The following ARHGEF18 variants were observed in gnomAD, a reference collection of about 807,000 sequenced individuals.
ARHGEF18 encodes the protein rho guanine nucleotide exchange factor 18.
ARHGEF18 carries 93 observed loss-of-function variants against 155.7 expected under a neutral mutation model. That is an observed-to-expected ratio of 0.60 (90% CI 0.50 to 0.71). The LOEUF is 0.71. Ranked by LOEUF, ARHGEF18 falls within the 30% of genes least tolerant of loss-of-function variation. ARHGEF18 has a pLI of 0.00. For synonymous variants in ARHGEF18, 742 were observed against 753.1 expected (o/e 0.99, Z 0.24); for missense variants, 1,593 against 1,816.1 (o/e 0.88, Z 2.23).
At chr19:7,366,932 G>T (rs990261962) in intron 2 of ARHGEF18, among the ~76,000 whole-genome samples, 7 of 143,204 alleles carry the variant, frequency 4.9e-5, no homozygotes, top group Non-Finnish European at 1.1e-4. Context: ...CCGGCTAGTT[G>T]TTTTTTTTTT....
intron 20 of ARHGEF18, among the ~76,000 whole-genome samples, chr19:7,460,421 A>C (rs562704021): frequency 1.3e-5 from 2 of 151,978 alleles, no homozygotes; most frequent in African/African-American, 4.8e-5. Flanking sequence ...ACACCACAGC[A>C]CTCACCCTCC....
At chr19:7,352,531 CTTTTTTT>C (rs35219215) in intron 1 of ARHGEF18, among the ~76,000 whole-genome samples, 1 of 93,188 alleles carries the variant, frequency 1.1e-5, no homozygotes, top group African/African-American at 4.6e-5. Flanking sequence ...CCTAGGTTTC[CTTTTTTT>C]TTTTTTTTTT....
intron 10 of ARHGEF18, among the ~76,000 whole-genome samples, chr19:7,392,907 C>T (rs533198668): frequency 5.9e-4 from 88 of 149,660 alleles, no homozygotes; most frequent in African/African-American, 1.8e-3. Context: ...ATTAGCCAGA[C>T]GTGGTGGTGT....
rs1295435039 is a variant in ARHGEF18 at position 7,439,718 on chromosome 19, AGAGTCACCCTAACATCTG to A, written c.968-625_968-608del. 5.4e-6 allele frequency: 7 copies of A among 1,293,612 alleles called. No individual in the cohort carries two copies. The Admixed American group carries it at 2.2e-4, about 41-fold the overall frequency. The allele number at this position is 1,293,612 out of a possible 1,614,324, so 80.1% of individuals were successfully genotyped here. On this transcript the variant is annotated intron_variant, in intron 10 of 28. Coordinates refer to ENST00000668164, the MANE Select transcript of ARHGEF18 (RefSeq NM_001367823.1). ...CCATGCCCTGCCATCTCTGGGTCTTAGAGTCACCCTAACATCTGATCTAGATTAATTATCATCATGTGC... is the reference window on the plus strand; with the variant it reads ...CCATGCCCTGCCATCTCTGGGTCTTAATCTAGATTAATTATCATCATGTGC...
chr19:7,441,156 A>T (rs11666466), intron 11 of ARHGEF18, among the ~76,000 whole-genome samples: 41,580 of 133,170 alleles, frequency 0.31, 6,935 homozygotes, highest in Middle Eastern at 0.47. Context: ...ATTGACAGAT[A>T]ATCTTCCCCA....
At chr19:7,350,763 GGTGGGTGTGTGTGT>G (rs1473772606) in intron 1 of ARHGEF18, among the ~76,000 whole-genome samples, 19,308 of 133,122 alleles carry the variant, frequency 0.15, 1,596 homozygotes, top group Non-Finnish European at 0.18. Context: ...AGTTTTTTGG[GGTGGGTGTGTGTGT>G]GTGTGTGTGT....
rs183314246 is a variant in ARHGEF18, at chr19:7,433,062, G to A, written c.968-7282G>A. ...TGTAATCCTAGCTACTCAGGAGGCTGAGGCTGGAGGATCCCTTGAGCCCAG... is the reference window on the plus strand; with the variant it reads ...TGTAATCCTAGCTACTCAGGAGGCTAAGGCTGGAGGATCCCTTGAGCCCAG... On this transcript the variant is annotated intron_variant, in intron 10 of 28. Transcript: ENST00000668164. Among the ~76,000 whole-genome samples the A allele has an allele frequency of 1.2e-3, 187 of 152,256 alleles. 1 individual carries two copies. Among genetic ancestry groups the A allele is most frequent in the Middle Eastern group, 0.01 (3 of 294 alleles).
intron 10 of ARHGEF18, among the ~76,000 whole-genome samples, chr19:7,407,465 T>C (rs562376366): frequency 2.6e-4 from 40 of 151,968 alleles, no homozygotes; most frequent in African/African-American, 8.0e-4. Context: ...TGCTACTTGT[T>C]TGTGGCCTGT....
chr19:7,439,141 C>T (rs1478842253), intron 10 of ARHGEF18, among the ~76,000 whole-genome samples: 1 of 151,964 alleles, frequency 6.6e-6, no homozygotes, highest in Non-Finnish European at 1.5e-5. Context: ...CCTCGGCCTC[C>T]CAAAGTGCTG....
At chr19:7,365,476 C>T (rs941033639) in intron 2 of ARHGEF18, among the ~76,000 whole-genome samples, 6 of 152,200 alleles carry the variant, frequency 3.9e-5, no homozygotes, top group Middle Eastern at 6.8e-3. Context: ...TGGAAGGTCC[C>T]GGGTAAAGGA....
intron 10 of ARHGEF18, among the ~76,000 whole-genome samples, chr19:7,430,995 C>T (rs1032871742): frequency 3.3e-5 from 5 of 151,732 alleles, no homozygotes; most frequent in African/African-American, 1.2e-4. Context: ...AGCCAGATCC[C>T]ATCTCTAAAT....
In ARHGEF18 at chr19:7,459,967, C is replaced by A; in HGVS notation, c.2425C>A (p.Arg809Ser). Residue 809 changes from arginine (R) to serine (S), a missense_variant, in exon 20 of 29, where the codon CGC becomes AGC. Physicochemically the swap from Arg to Ser is moderately radical, Grantham distance 110. Transcript: ENST00000668164. ...PEEERKVVEA[R>S]ATRLRDFQER... is the part of the protein sequence containing the mutation. ...AGAGGAAAGGAAGGTGGTCGAGGCC[C>A]GCGCCACGAGACTCCGGGACTTTCA... 1.3e-6 allele frequency: 2 copies of A among 1,587,504 alleles called. No individual in the cohort carries two copies. Among genetic ancestry groups the A allele is most frequent in the East Asian group, 2.3e-5 (1 of 43,524 alleles).
intron 10 of ARHGEF18, among the ~76,000 whole-genome samples, chr19:7,387,307 C>T (rs188614784): frequency 3.3e-4 from 50 of 152,132 alleles, no homozygotes; most frequent in Middle Eastern, 3.4e-3. Context: ...TGCCCGCCAC[C>T]ATGCCCGGCT....
chr19:7,451,604 G>T (rs1406875789), intron 16 of ARHGEF18, among the ~76,000 whole-genome samples: 2 of 151,478 alleles, frequency 1.3e-5, no homozygotes, highest in African/African-American at 2.4e-5. Context: ...TTTTAGAGAT[G>T]GGGTCTCGCT....
chr19:7,452,655 G>T (rs1460108900), intron 16 of ARHGEF18, among the ~76,000 whole-genome samples: 2 of 151,548 alleles, frequency 1.3e-5, no homozygotes, highest in African/African-American at 4.8e-5. Context: ...TAGTAGAGAC[G>T]AGGTTTCTTC....
intron 10 of ARHGEF18, among the ~76,000 whole-genome samples, chr19:7,421,835 C>G (rs1208149725): frequency 6.6e-6 from 1 of 152,168 alleles, no homozygotes; most frequent in Admixed American, 6.6e-5. Flanking sequence ...GCCTTCAGGA[C>G]TTCTGAGCAG....
intron 10 of ARHGEF18, among the ~76,000 whole-genome samples, chr19:7,408,867 C>T (rs1385443914): frequency 6.6e-6 from 1 of 150,786 alleles, no homozygotes; most frequent in Non-Finnish European, 1.5e-5. Flanking sequence ...CATAGTGAGA[C>T]CCCATCTCTA....
chr19:7,398,934 G>A (rs1208854842), intron 10 of ARHGEF18, among the ~76,000 whole-genome samples: 4 of 152,192 alleles, frequency 2.6e-5, no homozygotes, highest in African/African-American at 2.4e-5. Context: ...TGTTTACCTA[G>A]CACATGTTTA....
chr19:7,362,065 G>A lies in ARHGEF18; in HGVS notation c.-110-716G>A, dbSNP rs1268828851. On this transcript the variant is annotated intron_variant, in intron 1 of 28. Coordinates refer to ENST00000668164, the MANE Select transcript of ARHGEF18 (RefSeq NM_001367823.1). The stretch of plus-strand genomic sequence containing the variant: ...GGAGAAGGAGAAGGAGAAGGAGAAG[G>A]AGAAGGAGAAGGAGAAGGAGAAGGA... 9.8e-3 allele frequency among the ~76,000 whole-genome samples: 423 copies of A among 43,346 alleles called. 20 individuals carry two copies. The highest frequency in any genetic ancestry group is 0.075 in the East Asian group (113 of 1,512). 28.4% of individuals were successfully genotyped at this position (43,346 alleles called of 152,430 possible).
Sources: gnomAD v4.1 joint callset for allele counts (sites outside exome capture counted in the v4.1 genomes callset) on GRCh38, gnomAD v4.1.1 for gene constraint, MANE v1.5 for transcripts, NCBI Gene and HGNC (gene_info 2026-07-23, HGNC 2026-07-21) for gene names.